Variants in GABRG3 observed in about 807,000 individuals in gnomAD.
GABRG3 encodes the protein gamma-aminobutyric acid receptor subunit gamma-3.
A neutral mutation model predicts 48.8 loss-of-function variants in GABRG3; 25 were observed. The ratio of observed to expected loss-of-function variants is 0.51; its 90% CI spans 0.37 to 0.72. GABRG3 has a LOEUF of 0.72. GABRG3 is among the 30% of genes least tolerant of loss of function. The pLI, the probability that GABRG3 is intolerant of heterozygous loss-of-function variation, is 0.00. For synonymous variants in GABRG3, 227 were observed against 217.6 expected (o/e 1.04, Z -0.38); for missense variants, 394 against 577.9 (o/e 0.68, Z 3.26).
intron 3 of GABRG3, among the ~76,000 whole-genome samples, chr15:27,126,861 A>G (rs1897830177): frequency 6.6e-6 from 1 of 152,156 alleles, no homozygotes. Context: ...GGTGACAGCG[A>G]TGGTGATGGA....
At chr15:27,016,670 A>G (rs1428066915) in intron 2 of GABRG3, among the ~76,000 whole-genome samples, 2 of 152,124 alleles carry the variant, frequency 1.3e-5, no homozygotes, top group Non-Finnish European at 2.9e-5. Flanking sequence ...GTTTTCAGCC[A>G]TTATTTCTTC....
chr15:27,191,384 C>T (rs1888298381), intron 3 of GABRG3, among the ~76,000 whole-genome samples: 1 of 152,140 alleles, frequency 6.6e-6, no homozygotes, highest in South Asian at 2.1e-4. Context: ...TCACTCAGGA[C>T]TTGCTTTATG....
At chr15:27,339,831 AG>A (rs1415829260) in intron 5 of GABRG3, among the ~76,000 whole-genome samples, 7 of 152,200 alleles carry the variant, frequency 4.6e-5, no homozygotes, top group Non-Finnish European at 1.0e-4. Flanking sequence ...GAGGATAAGA[AG>A]GGGACTTCTC....
chr15:27,219,602 C>T (rs554251188), intron 3 of GABRG3, among the ~76,000 whole-genome samples: 2 of 152,284 alleles, frequency 1.3e-5, no homozygotes, highest in East Asian at 3.9e-4. Context: ...TTAGTCCTCC[C>T]CACCTGTGCC....
At chr15:27,050,781 C>T (rs1896443100) in intron 3 of GABRG3, among the ~76,000 whole-genome samples, 1 of 151,910 alleles carries the variant, frequency 6.6e-6, no homozygotes, top group Non-Finnish European at 1.5e-5. Flanking sequence ...TCTGTAATTA[C>T]AAGGAAATTA....
chr15:27,465,962 T>C (rs899746877), intron 5 of GABRG3, among the ~76,000 whole-genome samples: 3 of 152,232 alleles, frequency 2.0e-5, no homozygotes, highest in South Asian at 4.1e-4. Context: ...AATACTGTTG[T>C]AGACCACCCT....
intron 3 of GABRG3, among the ~76,000 whole-genome samples, chr15:27,128,129 A>G (rs1897853413): frequency 6.6e-6 from 1 of 152,244 alleles, no homozygotes; most frequent in African/African-American, 2.4e-5. Flanking sequence ...TGGGAGGCCC[A>G]GGAGGGAGCA....
At chr15:27,529,105 T>C (rs1891354097) in intron 9 of GABRG3, among the ~76,000 whole-genome samples, 1 of 152,212 alleles carries the variant, frequency 6.6e-6, no homozygotes, top group South Asian at 2.1e-4. Flanking sequence ...AGCACTATGC[T>C]TGACATTATG....
chr15:26,996,759 C>G (rs917850591), intron 2 of GABRG3, among the ~76,000 whole-genome samples: 9 of 152,202 alleles, frequency 5.9e-5, no homozygotes, highest in African/African-American at 1.9e-4. Flanking sequence ...ATGCCATTCT[C>G]CTGCCTCAGC....
chr15:27,426,239 C>T (rs1455225086), intron 5 of GABRG3, among the ~76,000 whole-genome samples: 1 of 152,172 alleles, frequency 6.6e-6, no homozygotes, highest in Non-Finnish European at 1.5e-5. Flanking sequence ...AGACAAAACT[C>T]ATCTCCTTTG....
intron 3 of GABRG3, among the ~76,000 whole-genome samples, chr15:27,141,916 T>C (rs183253736): frequency 2.2e-4 from 33 of 152,340 alleles, no homozygotes; most frequent in African/African-American, 7.5e-4. Flanking sequence ...TCTTTGCCAT[T>C]GCTTTCTGTC....
intron 3 of GABRG3, among the ~76,000 whole-genome samples, chr15:27,244,885 T>C (rs1487674753): frequency 6.6e-6 from 1 of 152,234 alleles, no homozygotes; most frequent in African/African-American, 2.4e-5. Flanking sequence ...GTTTTGAAAA[T>C]TAAAATTTCA....
chr15:27,355,789 T>C (rs530395652), intron 5 of GABRG3, among the ~76,000 whole-genome samples: 3 of 152,238 alleles, frequency 2.0e-5, no homozygotes, highest in East Asian at 3.9e-4. Flanking sequence ...TCTTCAGCCT[T>C]AAAATGGAAG....
chr15:27,039,434 G>A (rs1896236185), intron 3 of GABRG3, among the ~76,000 whole-genome samples: 1 of 152,168 alleles, frequency 6.6e-6, no homozygotes, highest in South Asian at 2.1e-4. Context: ...TGGTGGCCCT[G>A]TCATTTCTTA....
chr15:27,446,597 C>G (rs527500926), intron 5 of GABRG3, among the ~76,000 whole-genome samples: 64 of 152,080 alleles, frequency 4.2e-4, no homozygotes, highest in Non-Finnish European at 8.1e-4. Context: ...AAAATTTTTA[C>G]TTATTTTGTT....
chr15:27,192,740 T>A (rs1355786373), intron 3 of GABRG3, among the ~76,000 whole-genome samples: 1 of 152,246 alleles, frequency 6.6e-6, no homozygotes, highest in African/African-American at 2.4e-5. Context: ...TCCGTCCAGC[T>A]TTGTTCCATT....
Position 27,537,124 on chromosome 15 carries a change from T to TAAAAAAAAAAA in GABRG3, c.*4254_*4264dup, listed in dbSNP as rs368101374. On this transcript the variant is annotated 3_prime_UTR_variant, in exon 10 of 10. Coordinates refer to ENST00000615808, the MANE Select transcript of GABRG3 (RefSeq NM_033223.5). ...TAAGAAATTTCATCTGCAATTTCTG[T>TAAAAAAAAAAA]AAAAAAAAAAAAAAAAAAAAAGAAT... 2 of 115,786 alleles carry TAAAAAAAAAAA rather than the reference T, an allele frequency of 1.7e-5. No individual in the cohort carries two copies. The highest frequency in any genetic ancestry group is 1.9e-5 in the Non-Finnish European group (1 of 52,750). 7.2% of individuals were successfully genotyped at this position (115,786 alleles called of 1,614,324 possible).
chr15:27,300,552 G>A (rs1420250597), intron 3 of GABRG3, among the ~76,000 whole-genome samples: 2 of 151,868 alleles, frequency 1.3e-5, no homozygotes, highest in Non-Finnish European at 2.9e-5. Context: ...AGCTACTTGA[G>A]AGGCTGAGGC....
chr15:27,139,711 C>T (rs550238915), intron 3 of GABRG3, among the ~76,000 whole-genome samples: 42 of 152,184 alleles, frequency 2.8e-4, no homozygotes, highest in African/African-American at 8.7e-4. Flanking sequence ...CATACAACTC[C>T]CCAAATCCTT....
Sources: gnomAD v4.1 joint callset for allele counts (sites outside exome capture counted in the v4.1 genomes callset) on GRCh38, gnomAD v4.1.1 for gene constraint, MANE v1.5 for transcripts, NCBI Gene and HGNC (gene_info 2026-07-23, HGNC 2026-07-21) for gene names.